The following LHFPL2 variants were observed in gnomAD, a reference collection of about 807,000 sequenced individuals.
LHFPL2 encodes the protein LHFPL tetraspan subfamily member 2 protein.
In LHFPL2, 7 loss-of-function variants were observed where a neutral mutation model predicts 17.5. The observed-to-expected ratio is 0.40, with a 90% CI of 0.23 to 0.75. The LOEUF (loss-of-function observed/expected upper bound fraction) is 0.75, where lower values mean the gene tolerates loss of function less well. Ranked by LOEUF, LHFPL2 falls within the 30% of genes least tolerant of loss-of-function variation. The pLI, the probability that LHFPL2 is intolerant of heterozygous loss-of-function variation, is 0.37. For missense variants in LHFPL2, 241 were observed against 294.8 expected (o/e 0.82, Z 1.34); for synonymous variants, 134 against 116.2 (o/e 1.15, Z -0.99).
At chr5:78,588,280 C>T (rs1743502663) in intron 2 of LHFPL2, among the ~76,000 whole-genome samples, 1 of 152,184 alleles carries the variant, frequency 6.6e-6, no homozygotes, top group African/African-American at 2.4e-5. Context: ...AAGTGATCTT[C>T]CTGCCTCAGC....
At chr5:78,539,758 C>T (rs1756052007) in intron 3 of LHFPL2, among the ~76,000 whole-genome samples, 1 of 151,480 alleles carries the variant, frequency 6.6e-6, no homozygotes, top group African/African-American at 2.4e-5. Flanking sequence ...TGCTAAGCCA[C>T]ACTGGGCATT....
intron 2 of LHFPL2, among the ~76,000 whole-genome samples, chr5:78,594,247 T>C (rs952073979): frequency 6.6e-6 from 1 of 152,238 alleles, no homozygotes; most frequent in African/African-American, 2.4e-5. Flanking sequence ...CTATGTAGCA[T>C]GTTAACTCTG....
chr5:78,548,814 A>T (rs1439613912), intron 3 of LHFPL2, among the ~76,000 whole-genome samples: 6 of 152,206 alleles, frequency 3.9e-5, no homozygotes, highest in Non-Finnish European at 8.8e-5. Flanking sequence ...GTGCTTGTTA[A>T]CTATTCACCT....
At chr5:78,494,246 G>A (rs1004992242) in intron 4 of LHFPL2, 8 of 441,430 alleles carry the variant, frequency 1.8e-5, no homozygotes, top group African/African-American at 4.3e-5. Context: ...TGACTGGGTC[G>A]CAGCAAGCCC....
intron 3 of LHFPL2, among the ~76,000 whole-genome samples, chr5:78,511,871 TGCGTGTGTCACA>T (rs1755139240): frequency 6.6e-6 from 1 of 152,194 alleles, no homozygotes; most frequent in Non-Finnish European, 1.5e-5. Context: ...AGGGTGTGTG[TGCGTGTGTCACA>T]GCGCTGTGCC....
Position 78,487,761 on chromosome 5 carries a change from C to CCTGGAATT in LHFPL2, c.*1128_*1135dup, listed in dbSNP as rs1754296360. ...GAATTAACTTTGTCCTCTGTGCTTT[C>CCTGGAATT]CTGGAATTAAGGTCTTGGCTGCAGT... On this transcript the variant is annotated 3_prime_UTR_variant, in exon 5 of 5. Coordinates refer to ENST00000380345, the MANE Select transcript of LHFPL2 (RefSeq NM_005779.3). 6.6e-6 allele frequency: 1 copy of CCTGGAATT among 152,198 alleles called. No individual in the cohort carries two copies. 9.4% of individuals were successfully genotyped at this position (152,198 alleles called of 1,614,324 possible).
intron 2 of LHFPL2, among the ~76,000 whole-genome samples, chr5:78,598,161 T>C (rs1743891377): frequency 6.6e-6 from 1 of 152,368 alleles, no homozygotes; most frequent in South Asian, 2.1e-4. Flanking sequence ...GAAGGGATAC[T>C]ACAGTTTTTT....
chr5:78,603,564 A>AG (rs138506846), intron 2 of LHFPL2, among the ~76,000 whole-genome samples: 2 of 152,282 alleles, frequency 1.3e-5, no homozygotes, highest in South Asian at 4.1e-4. Context: ...ACCCCAAGAG[A>AG]GGGGGAAAAG....
At chr5:78,525,485 G>C (rs1755595095) in intron 3 of LHFPL2, among the ~76,000 whole-genome samples, 1 of 152,190 alleles carries the variant, frequency 6.6e-6, no homozygotes, top group Admixed American at 6.5e-5. Context: ...CATTCATGGG[G>C]TCATTAATAA....
intron 2 of LHFPL2, among the ~76,000 whole-genome samples, chr5:78,587,827 C>A (rs188627122): frequency 6.6e-6 from 1 of 152,250 alleles, no homozygotes; most frequent in Admixed American, 6.5e-5. Context: ...CCCTACCACA[C>A]AGCCAGTGCA....
Position 78,623,836 on chromosome 5 carries a change from C to G in LHFPL2, c.-245+8428G>C, listed in dbSNP as rs114010750. On this transcript the variant is annotated intron_variant, in intron 2 of 4. Coordinates refer to ENST00000380345, the MANE Select transcript of LHFPL2 (RefSeq NM_005779.3). ...TATTTTGGGTTCAAGTAAACATTTA[C>G]CATTTGCTCCAAAGCACTACGCTAG... 8.5e-3 allele frequency among the ~76,000 whole-genome samples: 1,295 copies of G among 152,270 alleles called. 14 individuals are homozygous for G. The highest frequency in any genetic ancestry group is 0.012 in the Non-Finnish European group (798 of 68,028).
intron 1 of LHFPL2, among the ~76,000 whole-genome samples, chr5:78,640,108 C>CGGGCATGTGGG (rs756427799): frequency 6.6e-6 from 1 of 152,048 alleles, no homozygotes; most frequent in Non-Finnish European, 1.5e-5. Flanking sequence ...CTTAATTTTC[C>CGGGCATGTGGG]GGGCATGTGG....
intron 2 of LHFPL2, among the ~76,000 whole-genome samples, chr5:78,630,417 T>C (rs989445936): frequency 6.6e-6 from 1 of 152,150 alleles, no homozygotes; most frequent in East Asian, 1.9e-4. Context: ...GCTTTTTCAT[T>C]TCAATGTATT....
chr5:78,608,897 A>T (rs1744318615), intron 2 of LHFPL2, among the ~76,000 whole-genome samples: 1 of 151,034 alleles, frequency 6.6e-6, no homozygotes. Flanking sequence ...GAGCCACTGC[A>T]CTCCAGCCTA....
At chr5:78,509,613 T>C (rs1012971612) in intron 4 of LHFPL2, among the ~76,000 whole-genome samples, 171 bp downstream of exon 4, 5 of 152,040 alleles carry the variant, frequency 3.3e-5, no homozygotes, top group African/African-American at 1.2e-4. Context: ...AAGAGACCCA[T>C]GCGAGCAGCA....
intron 2 of LHFPL2, among the ~76,000 whole-genome samples, chr5:78,608,302 T>G (rs879370714): frequency 2.0e-5 from 3 of 152,216 alleles, no homozygotes; most frequent in Admixed American, 2.0e-4. Flanking sequence ...AAAACAGTAT[T>G]TGCTACTTTC....
At chr5:78,517,860 C>T (rs2112336595) in intron 3 of LHFPL2, among the ~76,000 whole-genome samples, 1 of 152,302 alleles carries the variant, frequency 6.6e-6, no homozygotes. Context: ...TAAATGATTC[C>T]TTCTCTTCTA....
intron 4 of LHFPL2, among the ~76,000 whole-genome samples, chr5:78,497,982 C>T (rs912362915): frequency 2.0e-5 from 3 of 152,202 alleles, no homozygotes; most frequent in Non-Finnish European, 4.4e-5. Flanking sequence ...AGACAGGCCG[C>T]GGCTGACCTG....
intron 1 of LHFPL2, among the ~76,000 whole-genome samples, chr5:78,636,792 G>A (rs1745462517): frequency 6.6e-6 from 1 of 152,076 alleles, no homozygotes; most frequent in Non-Finnish European, 1.5e-5. Context: ...TAAAAATAAA[G>A]GCTTCACAGA....
Sources: allele counts gnomAD v4.1 joint callset (sites outside exome capture counted in the v4.1 genomes callset), GRCh38; gene constraint gnomAD v4.1.1; transcripts MANE v1.5; gene names NCBI Gene and HGNC (gene_info 2026-07-23, HGNC 2026-07-21).